FAM184B: variants seen among roughly 807,000 people sequenced by gnomAD.
FAM184B encodes the protein protein FAM184B.
Under a neutral mutation model 135.9 loss-of-function variants are expected in FAM184B, and 111 were observed. The observed-to-expected ratio is 0.82, with a 90% CI of 0.70 to 0.96. The LOEUF (loss-of-function observed/expected upper bound fraction) is 0.96. Ranked by LOEUF, FAM184B falls within the 40% of genes least tolerant of loss-of-function variation. FAM184B has a pLI of 0.00. For missense variants in FAM184B, 1,375 were observed against 1,323.9 expected (o/e 1.04, Z -0.60); for synonymous variants, 552 against 524.8 (o/e 1.05, Z -0.71).
intron 1 of FAM184B, among the ~76,000 whole-genome samples, chr4:17,744,517 T>C (rs1276392910): frequency 6.7e-6 from 1 of 149,652 alleles, no homozygotes; most frequent in Non-Finnish European, 1.5e-5. Flanking sequence ...CACACACACC[T>C]TTCTCCATTC....
At chr4:17,653,281 AGACT>A (rs1715677604) in intron 10 of FAM184B, among the ~76,000 whole-genome samples, 1 of 152,226 alleles carries the variant, frequency 6.6e-6, no homozygotes, top group Non-Finnish European at 1.5e-5. Context: ...AGAGCAAAAG[AGACT>A]GACAGACAGA....
At chr4:17,641,076 G>A (rs1211669038) in intron 13 of FAM184B, among the ~76,000 whole-genome samples, 1 of 152,202 alleles carries the variant, frequency 6.6e-6, no homozygotes, top group African/African-American at 2.4e-5. Context: ...CGGGACTGCA[G>A]GCATGCACCA....
intron 1 of FAM184B, among the ~76,000 whole-genome samples, chr4:17,754,879 CT>C (rs937027116): frequency 1.3e-3 from 192 of 146,226 alleles, no homozygotes; most frequent in East Asian, 1.6e-3. Context: ...TAAATTAAAA[CT>C]TTTTTTTTTT....
At chr4:17,732,851 C>T (rs1318246402) in intron 1 of FAM184B, among the ~76,000 whole-genome samples, 1 of 152,104 alleles carries the variant, frequency 6.6e-6, no homozygotes, top group Admixed American at 6.6e-5. Flanking sequence ...CCAGCATCAT[C>T]CTGATACCAA....
chr4:17,679,667 T>A (rs1716391439), intron 7 of FAM184B, among the ~76,000 whole-genome samples: 1 of 152,128 alleles, frequency 6.6e-6, no homozygotes, highest in Non-Finnish European at 1.5e-5. Flanking sequence ...CCAATCCCAC[T>A]ACTGGGTATC....
chr4:17,670,237 A>G (rs777592961), intron 7 of FAM184B, among the ~76,000 whole-genome samples: 24 of 152,358 alleles, frequency 1.6e-4, no homozygotes, highest in Non-Finnish European at 2.6e-4. Flanking sequence ...TAGAAAATGA[A>G]CAAAAGAATA....
At chr4:17,738,452 A>T (rs1403235065) in intron 1 of FAM184B, among the ~76,000 whole-genome samples, 1 of 152,098 alleles carries the variant, frequency 6.6e-6, no homozygotes, top group Admixed American at 6.6e-5. Context: ...TTATGCCAGG[A>T]ATGGTGCCTA....
intron 13 of FAM184B, among the ~76,000 whole-genome samples, 195 bp from the exon 14 acceptor site, chr4:17,639,591 A>ACCCCTTCT (rs1287066760): frequency 6.6e-6 from 1 of 152,046 alleles, no homozygotes; most frequent in Non-Finnish European, 1.5e-5. Context: ...CCACTATGGG[A>ACCCCTTCT]CCCCTTCTCA....
chr4:17,764,879 A>G lies in FAM184B; in HGVS notation c.141+16280T>C, dbSNP rs115343069. Among the ~76,000 whole-genome samples the G allele has an allele frequency of 4.0e-3, 610 of 152,284 alleles. 8 individuals carry two copies. Among genetic ancestry groups the G allele is most frequent in the African/African-American group, 0.013 (549 of 41,540 alleles). On this transcript the variant is annotated intron_variant, in intron 1 of 17. Coordinates refer to ENST00000265018, the MANE Select transcript of FAM184B (RefSeq NM_015688.2). The stretch of plus-strand genomic sequence containing the variant: ...CAGGAGATCGAGACCAGGCTGGACA[A>G]CATAGCAAGAGCTTGTCTCTACAAA...
At chr4:17,687,119 TG>T (rs1197996395) in intron 7 of FAM184B, among the ~76,000 whole-genome samples, 1 of 152,144 alleles carries the variant, frequency 6.6e-6, no homozygotes, top group African/African-American at 2.4e-5. Flanking sequence ...TGGGGGCTGT[TG>T]GCAGGACCGG....
At chr4:17,694,753 G>A (rs1358342217) in intron 5 of FAM184B, among the ~76,000 whole-genome samples, 1 of 152,132 alleles carries the variant, frequency 6.6e-6, no homozygotes, top group African/African-American at 2.4e-5. Context: ...TACACACCAG[G>A]AGCTGACATT....
chr4:17,667,607 G>A (rs1716086374), intron 7 of FAM184B, among the ~76,000 whole-genome samples: 1 of 152,182 alleles, frequency 6.6e-6, no homozygotes, highest in Admixed American at 6.5e-5. Context: ...CATCTGCTCT[G>A]CCTCCCGCAG....
At chr4:17,761,590 G>A (rs188578568) in intron 1 of FAM184B, among the ~76,000 whole-genome samples, 2 of 152,202 alleles carry the variant, frequency 1.3e-5, no homozygotes, top group Admixed American at 6.5e-5. Flanking sequence ...GCAGTGGCAC[G>A]ATCTTGGCTT....
Position 17,649,762 on chromosome 4 carries a change from T to C in FAM184B, c.2192-1971A>G, listed in dbSNP as rs371739473. 7.1e-4 allele frequency among the ~76,000 whole-genome samples: 108 copies of C among 152,124 alleles called. 3 individuals carry two copies. In the South Asian group the frequency reaches 0.02, roughly 28 times the overall value. On this transcript the variant is annotated intron_variant, in intron 11 of 17. Coordinates refer to ENST00000265018, the MANE Select transcript of FAM184B (RefSeq NM_015688.2). ...TCATAAATTATAGGGTATTCATTCT[T>C]TACCCTCCTCTCTCATACCTTCCCA...
chr4:17,771,534 A>T (rs1328537575), intron 1 of FAM184B, among the ~76,000 whole-genome samples: 3 of 152,160 alleles, frequency 2.0e-5, no homozygotes, highest in Non-Finnish European at 4.4e-5. Flanking sequence ...CCTAAAGCAA[A>T]CTGGCATGGA....
intron 9 of FAM184B, 91 bp from the exon 10 acceptor site, chr4:17,658,653 T>C (rs1040796308): frequency 1.1e-5 from 13 of 1,234,346 alleles, no homozygotes; most frequent in African/African-American, 1.5e-5. Flanking sequence ...GTTACCTCCA[T>C]GCAGCTGAGC....
chr4:17,692,385 A>G (rs372230336), intron 6 of FAM184B, among the ~76,000 whole-genome samples: 10 of 152,236 alleles, frequency 6.6e-5, no homozygotes, highest in African/African-American at 2.2e-4. Flanking sequence ...CTAAGGAAAG[A>G]CATACTCATC....
intron 10 of FAM184B, 128 bp from the exon 11 acceptor site, chr4:17,653,111 G>T: frequency 1.1e-6 from 1 of 909,516 alleles, no homozygotes; most frequent in Non-Finnish European, 1.7e-6. Context: ...GGGCTTATCA[G>T]GCTACAGAGA....
intron 1 of FAM184B, among the ~76,000 whole-genome samples, chr4:17,741,245 G>T (rs2108983227): frequency 6.6e-6 from 1 of 152,294 alleles, no homozygotes; most frequent in South Asian, 2.1e-4. Context: ...AAAGAATAAA[G>T]CAAGGAAGGG....
Sources: gnomAD v4.1 joint callset for allele counts (sites outside exome capture counted in the v4.1 genomes callset) on GRCh38, gnomAD v4.1.1 for gene constraint, MANE v1.5 for transcripts, NCBI Gene and HGNC (gene_info 2026-07-23, HGNC 2026-07-21) for gene names.